SP6: variants seen among roughly 807,000 people sequenced by gnomAD.
The protein encoded by SP6 is Sp6 transcription factor, also known as transcription factor Sp6.
In SP6, 10 loss-of-function variants were observed where a neutral mutation model predicts 23.4. The observed-to-expected ratio is 0.43, with a 90% CI of 0.26 to 0.72. The LOEUF is 0.72. SP6 is among the 30% of genes least tolerant of loss of function. The probability of loss-of-function intolerance (pLI) is 0.23; values close to 1 mark genes in which losing one functional copy is unlikely to be tolerated. For synonymous variants in SP6, 238 were observed against 238.7 expected (o/e 1.00, Z 0.03); for missense variants, 482 against 523.8 (o/e 0.92, Z 0.78).
chr17:47,853,179 G>C (rs2033974599), upstream of SP6, among the ~76,000 whole-genome samples: 1 of 152,256 alleles, frequency 6.6e-6, no homozygotes, highest in South Asian at 2.1e-4. Flanking sequence ...TCGGGGGATT[G>C]AGATTTCTGA....
the SP6 span, among the ~76,000 whole-genome samples, chr17:47,867,955 G>A: frequency 6.6e-6 from 1 of 151,954 alleles, no homozygotes; most frequent in Non-Finnish European, 1.5e-5. Flanking sequence ...AGTTCCTCCC[G>A]AACAGAGCAT....
chr17:47,861,510 A>G, the SP6 span, among the ~76,000 whole-genome samples: 1 of 152,222 alleles, frequency 6.6e-6, no homozygotes, highest in Non-Finnish European at 1.5e-5. Flanking sequence ...AGGTGGGTGG[A>G]TCACTTGAGG....
rs550410106 is a variant in SP6 at position 47,845,955 on chromosome 17, T to A, written c.*1344A>T. The A allele has an allele frequency of 6.6e-6, 1 of 152,324 alleles. No individual in the cohort carries two copies. The highest frequency in any genetic ancestry group is 2.1e-4 in the South Asian group (1 of 4,832). The allele number at this position is 152,324 out of a possible 1,614,324, so 9.4% of individuals were successfully genotyped here. ...CCCCTCTGCCTGGCTCAGCTTCTGCTGGGCTTCTCCCCTCCCTCCTTTCCT... is the reference window on the plus strand; with the variant it reads ...CCCCTCTGCCTGGCTCAGCTTCTGCAGGGCTTCTCCCCTCCCTCCTTTCCT... On this transcript the variant is annotated 3_prime_UTR_variant, in exon 2 of 2. Transcript: ENST00000536300.
At position 47,848,167 on chromosome 17, in the gene SP6, G is replaced by A; in HGVS notation, c.263C>T (p.Ala88Val). ...CAGGAGCTTGGAAAAGGGGCCCGGG[G>A]CCAAGGGACTGTCGCTTTCCAGGTC... ...CEDLESDSPLAPGPFSKLLQP... is the reference protein window; with the variant it reads ...CEDLESDSPLVPGPFSKLLQP... The change falls in exon 2 of 2, where the codon GCC (alanine) becomes GTC (valine). Residue 88 changes from alanine to valine, a missense_variant. Physicochemically the swap from Ala to Val is moderately conservative, Grantham distance 64. Transcript: ENST00000536300. The surrounding 1 kb of genome is among the most constrained non-coding windows in gnomAD (Gnocchi z 5.3). 1 of 1,613,324 alleles carries A rather than the reference G, an allele frequency of 6.2e-7. No individual in the cohort carries two copies.
In SP6 at chr17:47,847,908, A is replaced by G. The variant is rs757374116; in HGVS notation, c.522T>C (p.Leu174=). 1 of 1,564,800 alleles carries G rather than the reference A, an allele frequency of 6.4e-7. No individual in the cohort carries two copies. The highest frequency in any genetic ancestry group is 1.2e-5 in the South Asian group (1 of 85,862). ...GGAGATGCTGCCCTCCGGCAGCTGG[A>G]AGGAGGTGGTGCGCATGCGGGTGGG... ...PPPHPHAHHL[L]PAAGGQHLLG... is the part of the protein sequence containing the mutation. Residue 174 remains leucine (L), a synonymous_variant, in exon 2 of 2, where the codon CTT becomes CTC. Transcript: ENST00000536300.
upstream of SP6, among the ~76,000 whole-genome samples, chr17:47,854,849 T>C (rs1281129852): frequency 2.6e-5 from 4 of 152,086 alleles, no homozygotes; most frequent in African/African-American, 9.7e-5. Context: ...TGTTTTCCTC[T>C]TCTCACTCAC....
chr17:47,859,195 GC>G (rs1210418147), upstream of SP6, among the ~76,000 whole-genome samples: 17 of 152,084 alleles, frequency 1.1e-4, no homozygotes, highest in African/African-American at 4.1e-4. Context: ...CTTCTCTCCC[GC>G]TGGTCCTCAT....
the SP6 span, among the ~76,000 whole-genome samples, chr17:47,861,922 G>A: frequency 6.6e-5 from 10 of 152,082 alleles, no homozygotes; most frequent in East Asian, 1.9e-3. Flanking sequence ...GAGGGTGCCT[G>A]TAGTCCCAGC....
chr17:47,848,591 T>TGCTAGAACCATCCCCACCCCAG lies in SP6; in HGVS notation c.-57-106_-57-105insCTGGGGTGGGGATGGTTCTAGC. The TGCTAGAACCATCCCCACCCCAG allele has an allele frequency of 1.6e-6, 1 of 637,776 alleles. No homozygotes were observed. The highest frequency in any genetic ancestry group is 2.7e-6 in the Non-Finnish European group (1 of 372,606). The allele number at this position is 637,776 out of a possible 1,614,324, so 39.5% of individuals were successfully genotyped here. A position where few individuals can be genotyped will look rare whatever the true frequency, so the allele number is the denominator to read the frequency against. On this transcript the variant is annotated intron_variant, in intron 1 of 1. Coordinates refer to ENST00000536300, the MANE Select transcript of SP6 (RefSeq NM_001258248.2). This position sits in a 1 kb window ranked among gnomAD's most constrained non-coding sequence, Gnocchi z 5.3. ...CCCAGGTGTAAAAGAAGGATGCACC[T>TGCTAGAACCATCCCCACCCCAG]CTGAACGAGGACTAGAGATGAGTTT... is the stretch of plus-strand genomic sequence containing the variant.
chr17:47,857,686 G>A (rs573739934), upstream of SP6, among the ~76,000 whole-genome samples: 9 of 152,314 alleles, frequency 5.9e-5, no homozygotes, highest in Admixed American at 5.9e-4. Flanking sequence ...TCCAGACAAT[G>A]TGTTTTCCTA....
chr17:47,853,417 C>G (rs1338024980), upstream of SP6, among the ~76,000 whole-genome samples: 1 of 152,156 alleles, frequency 6.6e-6, no homozygotes, highest in Non-Finnish European at 1.5e-5. Flanking sequence ...CAAAACAGAG[C>G]CCCCAGTGGG....
At chr17:47,859,821 T>G (rs995221219), upstream of SP6, among the ~76,000 whole-genome samples, 1 of 152,062 alleles carries the variant, frequency 6.6e-6, no homozygotes, top group Non-Finnish European at 1.5e-5. Context: ...CTCCCCACCC[T>G]GTCACCCTGC....
At position 47,848,151 on chromosome 17, in the gene SP6, G is replaced by A. The variant is rs2033915235; in HGVS notation, c.279C>T (p.Ser93=). The A allele has an allele frequency of 6.2e-7, 1 of 1,613,470 alleles. No homozygotes were observed. Among genetic ancestry groups the A allele is most frequent in the Admixed American group, 1.7e-5 (1 of 60,032 alleles). ...SDSPLAPGPF[S]KLLQPDMSHH... ...GTGACATGTCCGGCTGCAGGAGCTTGGAAAAGGGGCCCGGGGCCAAGGGAC... is the reference window on the plus strand; with the variant it reads ...GTGACATGTCCGGCTGCAGGAGCTTAGAAAAGGGGCCCGGGGCCAAGGGAC... The change falls in exon 2 of 2, where the codon TCC becomes TCT. Residue 93 remains serine, a synonymous_variant. Transcript: ENST00000536300. This position sits in a 1 kb window ranked among gnomAD's most constrained non-coding sequence, Gnocchi z 5.3.
chr17:47,855,120 A>G (rs2033988963), upstream of SP6, among the ~76,000 whole-genome samples: 1 of 152,148 alleles, frequency 6.6e-6, no homozygotes, highest in South Asian at 2.1e-4. Context: ...AAATTTCAAA[A>G]TCCCTAGCTA....
the SP6 span, among the ~76,000 whole-genome samples, chr17:47,874,183 C>T: frequency 1.3e-5 from 2 of 151,960 alleles, no homozygotes; most frequent in Admixed American, 1.3e-4. Flanking sequence ...ACCTCCCTGG[C>T]TCAAGTAATC....
At chr17:47,872,670 G>A in the SP6 span, among the ~76,000 whole-genome samples, 2 of 152,234 alleles carry the variant, frequency 1.3e-5, no homozygotes. Flanking sequence ...CACTGCAGCT[G>A]AGCACCCAGC....
chr17:47,859,983 A>G (rs375988388), upstream of SP6, among the ~76,000 whole-genome samples: 1 of 152,188 alleles, frequency 6.6e-6, no homozygotes, highest in African/African-American at 2.4e-5. Context: ...AACTTCTTAC[A>G]AGGGTGGAAA....
the SP6 span, among the ~76,000 whole-genome samples, chr17:47,862,818 A>C: frequency 2.6e-5 from 4 of 152,192 alleles, no homozygotes; most frequent in South Asian, 8.3e-4. Flanking sequence ...GGAGCATTGG[A>C]CTTCAGACCT....
chr17:47,860,198 C>G (rs2034025739), upstream of SP6, among the ~76,000 whole-genome samples: 1 of 152,174 alleles, frequency 6.6e-6, no homozygotes. Flanking sequence ...CCACACTGTT[C>G]CATGTGTGAA....
Sources: allele counts gnomAD v4.1 joint callset (sites outside exome capture counted in the v4.1 genomes callset), GRCh38; gene constraint gnomAD v4.1.1; non-coding constraint Gnocchi (gnomAD v3.1); transcripts MANE v1.5; gene names NCBI Gene and HGNC (gene_info 2026-07-23, HGNC 2026-07-21).